The following GRID1 variants were observed in gnomAD, a reference collection of about 807,000 sequenced individuals.
GRID1 encodes glutamate receptor ionotropic, delta-1.
GRID1 carries 28 observed loss-of-function variants against 98.0 expected under a neutral mutation model. The ratio of observed to expected loss-of-function variants is 0.29; its 90% CI spans 0.21 to 0.39. GRID1 has a LOEUF of 0.39. Ranked by LOEUF, GRID1 falls within the 10% of genes least tolerant of loss-of-function variation. GRID1 has a pLI of 1.00. For synonymous variants in GRID1, 553 were observed against 538.5 expected, an observed-to-expected ratio of 1.03 and a Z score of -0.37; for missense variants, 1,111 against 1,340.5, an observed-to-expected ratio of 0.83 and a Z score of 2.67.
chr10:86,022,149 C>T (rs1182233911), intron 4 of GRID1, among the ~76,000 whole-genome samples: 3 of 152,148 alleles, frequency 2.0e-5, no homozygotes, highest in African/African-American at 7.2e-5. Context: ...GTGTATTGTA[C>T]ATTTACAGCA....
intron 5 of GRID1, among the ~76,000 whole-genome samples, chr10:85,899,919 T>A (rs957375301): frequency 1.3e-5 from 2 of 152,234 alleles, no homozygotes; most frequent in Non-Finnish European, 2.9e-5. Context: ...GCAGTTAAAC[T>A]GCCTCCTCAC....
intron 3 of GRID1, among the ~76,000 whole-genome samples, chr10:86,183,864 T>C (rs1053549988): frequency 4.6e-5 from 7 of 152,256 alleles, no homozygotes; most frequent in African/African-American, 7.2e-5. Context: ...AAACTGGTAG[T>C]GCATTTTACA....
intron 5 of GRID1, among the ~76,000 whole-genome samples, chr10:85,901,915 G>A (rs1235917295): frequency 6.6e-6 from 1 of 152,090 alleles, no homozygotes; most frequent in East Asian, 1.9e-4. Context: ...GTTCCTTTAC[G>A]GCTGAGAAAG....
chr10:85,724,839 C>T (rs1185797370), intron 10 of GRID1, among the ~76,000 whole-genome samples, 163 bp from the exon 11 acceptor site: 1 of 152,214 alleles, frequency 6.6e-6, no homozygotes, highest in Admixed American at 6.5e-5. Flanking sequence ...AAATCCAACA[C>T]TAAGTTGTCT....
intron 4 of GRID1, among the ~76,000 whole-genome samples, chr10:86,088,773 C>G (rs1200828117): frequency 1.3e-5 from 2 of 152,108 alleles, no homozygotes; most frequent in African/African-American, 2.4e-5. Flanking sequence ...AGAAGGCAGA[C>G]CAGCTCAGGA....
chr10:85,620,053 A>T lies in GRID1; in HGVS notation c.2194-20T>A. The T allele has an allele frequency of 6.2e-7, 1 of 1,608,908 alleles. No individual in the cohort carries two copies. Among genetic ancestry groups the T allele is most frequent in the African/African-American group, 1.3e-5 (1 of 74,952 alleles). On this transcript the variant is annotated intron_variant, in intron 13 of 15. Transcript: ENST00000327946. ...CTTTGCCTGAAAGATCAAAATTACC[A>T]TGAAGTCAGGCAGTCCTGGCCAGCT...
intron 4 of GRID1, among the ~76,000 whole-genome samples, chr10:86,057,429 G>T (rs372952287): frequency 6.6e-6 from 1 of 152,144 alleles, no homozygotes; most frequent in African/African-American, 2.4e-5. Flanking sequence ...TCCCCATCCT[G>T]CTTAGTGCAG....
intron 12 of GRID1, among the ~76,000 whole-genome samples, chr10:85,715,022 G>T (rs776761434): frequency 2.8e-4 from 42 of 152,082 alleles, no homozygotes; most frequent in African/African-American, 1.2e-4. Context: ...AAACAATATA[G>T]TATTGGCATA....
intron 1 of GRID1, among the ~76,000 whole-genome samples, chr10:86,364,835 T>G (rs1317217307): frequency 1.3e-5 from 2 of 152,210 alleles, no homozygotes; most frequent in Non-Finnish European, 2.9e-5. Context: ...AAGGAGCTGC[T>G]CTTGAAGGGC....
intron 2 of GRID1, among the ~76,000 whole-genome samples, chr10:86,310,942 T>C (rs550042347): frequency 6.6e-6 from 1 of 152,244 alleles, no homozygotes; most frequent in East Asian, 1.9e-4. Flanking sequence ...AAGGTGAGCA[T>C]GACAGATTTC....
intron 4 of GRID1, among the ~76,000 whole-genome samples, chr10:86,040,046 T>A (rs1843323914): frequency 6.6e-6 from 1 of 152,096 alleles, no homozygotes; most frequent in Admixed American, 6.5e-5. Flanking sequence ...AAGCACTGAG[T>A]GCCTGCCGCA....
intron 3 of GRID1, among the ~76,000 whole-genome samples, chr10:86,179,676 C>A (rs1045501247): frequency 3.3e-5 from 5 of 152,196 alleles, no homozygotes; most frequent in African/African-American, 1.2e-4. Context: ...TCTGTACGAA[C>A]CTCAGGGCCA....
At chr10:85,925,562 A>G (rs193003559) in intron 4 of GRID1, among the ~76,000 whole-genome samples, 1 of 152,264 alleles carries the variant, frequency 6.6e-6, no homozygotes, top group African/African-American at 2.4e-5. Context: ...GCTTCAGGTG[A>G]TTTTCAAATA....
intron 14 of GRID1, among the ~76,000 whole-genome samples, chr10:85,614,228 C>A (rs1217226738): frequency 6.6e-6 from 1 of 152,134 alleles, no homozygotes; most frequent in Admixed American, 6.5e-5. Context: ...AAAGTGCAGG[C>A]AGAGCTGTGA....
chr10:86,329,145 T>G (rs1483207204), intron 2 of GRID1, among the ~76,000 whole-genome samples: 1 of 152,186 alleles, frequency 6.6e-6, no homozygotes, highest in East Asian at 1.9e-4. Flanking sequence ...CAGGGACAGC[T>G]TCAGGGCATC....
intron 2 of GRID1, among the ~76,000 whole-genome samples, chr10:86,314,607 G>T (rs1847874505): frequency 6.6e-6 from 1 of 152,218 alleles, no homozygotes; most frequent in South Asian, 2.1e-4. Flanking sequence ...CCCTTAGAAG[G>T]ACAGGGTCAG....
At chr10:85,608,904 G>A (rs1282271962) in intron 15 of GRID1, among the ~76,000 whole-genome samples, 5 of 152,208 alleles carry the variant, frequency 3.3e-5, no homozygotes, top group African/African-American at 1.2e-4. Context: ...TTGCTCCTGA[G>A]CATAGTTCTC....
intron 2 of GRID1, among the ~76,000 whole-genome samples, chr10:86,255,094 C>T (rs528128059): frequency 6.6e-6 from 1 of 152,184 alleles, no homozygotes; most frequent in South Asian, 2.1e-4. Context: ...CATGGGCTCC[C>T]CACCCACCTG....
intron 5 of GRID1, among the ~76,000 whole-genome samples, chr10:85,906,273 T>A (rs1428517211): frequency 6.6e-6 from 1 of 152,106 alleles, no homozygotes; most frequent in Non-Finnish European, 1.5e-5. Flanking sequence ...CTGGTAAAAC[T>A]GAAAGGAGAA....
Sources: gnomAD v4.1 joint callset for allele counts (sites outside exome capture counted in the v4.1 genomes callset) on GRCh38, gnomAD v4.1.1 for gene constraint, MANE v1.5 for transcripts, NCBI Gene and HGNC (gene_info 2026-07-23, HGNC 2026-07-21) for gene names.